PRH1: variants seen among roughly 807,000 people sequenced by gnomAD.
PRH1 encodes the protein proline rich protein HaeIII subfamily 1, also known as salivary acidic proline-rich phosphoprotein 1/2.
A neutral mutation model predicts 7.9 loss-of-function variants in PRH1; 7 were observed. The ratio of observed to expected loss-of-function variants is 0.89; its 90% CI spans 0.50 to 1.67. The LOEUF is 1.67. Ranked by LOEUF, PRH1 falls within the 40% of genes most tolerant of loss-of-function variation. The pLI, the probability that PRH1 is intolerant of heterozygous loss-of-function variation, is 0.00. For missense variants in PRH1, 109 were observed against 223.6 expected (o/e 0.49, Z 3.27); for synonymous variants, 45 against 80.8 (o/e 0.56, Z 2.38).
chr12:10,899,016 G>A (rs753987653), intron 2 of PRH1, among the ~76,000 whole-genome samples: 34 of 152,310 alleles, frequency 2.2e-4, no homozygotes, highest in Admixed American at 7.2e-4. Context: ...AATATTTAAC[G>A]CCTGCCCTGC....
intron 2 of PRH1, among the ~76,000 whole-genome samples, chr12:10,953,397 G>T (rs1937785017): frequency 6.6e-6 from 1 of 151,996 alleles, no homozygotes; most frequent in African/African-American, 2.4e-5. Context: ...CAAACAAAAT[G>T]GTCATTTTAA....
chr12:11,107,320 C>A (rs927517046), intron 1 of PRH1, among the ~76,000 whole-genome samples: 1 of 152,134 alleles, frequency 6.6e-6, no homozygotes, highest in Admixed American at 6.5e-5. Flanking sequence ...CATTTTTGGG[C>A]AGAATGCACA....
At chr12:11,066,040 G>T (rs1028230703) in intron 1 of PRH1, among the ~76,000 whole-genome samples, 1 of 152,148 alleles carries the variant, frequency 6.6e-6, no homozygotes, top group South Asian at 2.1e-4. Flanking sequence ...GTTTTTATTA[G>T]CAGAAATCAA....
intron 1 of PRH1, among the ~76,000 whole-genome samples, chr12:11,008,908 T>C (rs1025766496): frequency 6.6e-6 from 1 of 152,008 alleles, no homozygotes; most frequent in East Asian, 1.9e-4. Context: ...GATTAAGATG[T>C]ACAAATTCTG....
intron 2 of PRH1, among the ~76,000 whole-genome samples, chr12:10,925,385 C>T (rs1280593051): frequency 3.3e-5 from 5 of 152,208 alleles, no homozygotes; most frequent in Non-Finnish European, 7.4e-5. Context: ...AGGCCAGTCT[C>T]TCTCTTGGAC....
downstream of PRH1, among the ~76,000 whole-genome samples, chr12:11,119,864 C>T (rs1027533756): frequency 6.6e-5 from 10 of 152,054 alleles, no homozygotes; most frequent in African/African-American, 2.4e-4. Context: ...ATGTGGTCAC[C>T]AATCACGGGT....
intron 1 of PRH1, among the ~76,000 whole-genome samples, chr12:11,033,444 T>C (rs1942310933): frequency 2.0e-5 from 3 of 152,158 alleles, no homozygotes; most frequent in Admixed American, 6.6e-5. Context: ...AAATATCTAA[T>C]GTAGTTTTGA....
intron 1 of PRH1, among the ~76,000 whole-genome samples, chr12:11,088,242 G>T (rs1256584861): frequency 8.0e-6 from 1 of 125,394 alleles, no homozygotes; most frequent in South Asian, 2.3e-4. Flanking sequence ...TAGCAATGCA[G>T]AGGTGGGGGA....
chr12:11,065,570 A>G (rs1212474510), intron 1 of PRH1, among the ~76,000 whole-genome samples: 1 of 152,014 alleles, frequency 6.6e-6, no homozygotes, highest in African/African-American at 2.4e-5. Context: ...CTGGTTCTCA[A>G]CTCTGTCTAT....
chr12:10,938,946 T>C lies in PRH1; in HGVS notation c.-59+34709A>G, dbSNP rs751308393. ...CTAAAATGATTGATCACTGTCCAGA[T>C]ATTAGTAAGCATTCTGAACATTTTT... On this transcript the variant is annotated intron_variant, in intron 2 of 3. Transcript: ENST00000539853. The C allele has an allele frequency of 5.0e-6, 8 of 1,613,680 alleles. No individual in the cohort carries two copies. The East Asian group carries it at 8.9e-5, about 18-fold the overall frequency.
intron 1 of PRH1, among the ~76,000 whole-genome samples, chr12:11,044,783 G>A (rs1489388397): frequency 6.6e-6 from 1 of 152,100 alleles, no homozygotes; most frequent in East Asian, 1.9e-4. Flanking sequence ...CGTTAAAACA[G>A]CTTATATCCA....
upstream of PRH1, among the ~76,000 whole-genome samples, chr12:11,049,735 G>T (rs1315990177): frequency 6.6e-6 from 1 of 152,114 alleles, no homozygotes; most frequent in African/African-American, 2.4e-5. Context: ...AAGGAGCTTG[G>T]TCATAACTAG....
intron 1 of PRH1, among the ~76,000 whole-genome samples, chr12:10,987,364 G>A (rs760092076): frequency 2.0e-5 from 3 of 151,884 alleles, no homozygotes; most frequent in Non-Finnish European, 4.4e-5. Flanking sequence ...CCACCATAAC[G>A]GATTTACTAT....
At position 11,083,831 on chromosome 12, in the gene PRH1, C is replaced by T. The variant is rs74785952; in HGVS notation, n.124-36643G>A. 2.3e-4 allele frequency among the ~76,000 whole-genome samples: 32 copies of T among 137,756 alleles called. 1 individual carries two copies. The East Asian group carries it at 3.2e-3, about 14-fold the overall frequency. The allele number at this position is 137,756 out of a possible 152,430, so 90.4% of individuals were successfully genotyped here. On this transcript the variant is annotated intron_variant and non_coding_transcript_variant, in intron 1 of 4. Coordinates refer to the PRH1 transcript ENST00000541977. ...TTATATAAGTGGAATTATACTGAAT[C>T]ATTTTTCAAACCTAATAATTCCTCT...
rs1237342653 is a variant in PRH1 at position 10,931,306 on chromosome 12, T to G, written c.-59+42349A>C. Reference sequence around the variant, plus strand: ...AATCACTATCTTCAAATTACCTCTCTTAAATAGGGTTGGGAATGAGGACAT... The same window carrying G: ...AATCACTATCTTCAAATTACCTCTCGTAAATAGGGTTGGGAATGAGGACAT... On this transcript the variant is annotated intron_variant, in intron 2 of 3. Transcript: ENST00000539853. The G allele has an allele frequency of 1.5e-5, 14 of 955,570 alleles. No homozygotes were observed. In the East Asian group the frequency reaches 3.7e-4, roughly 26 times the overall value. The allele number at this position is 955,570 out of a possible 1,614,324, so 59.2% of individuals were successfully genotyped here.
intron 1 of PRH1, among the ~76,000 whole-genome samples, chr12:11,054,418 T>C (rs1943272986): frequency 6.6e-6 from 1 of 152,228 alleles, no homozygotes; most frequent in African/African-American, 2.4e-5. Flanking sequence ...TTATTTTTAA[T>C]CTCAGCTACT....
intron 1 of PRH1, among the ~76,000 whole-genome samples, chr12:11,156,783 T>G (rs1178423349): frequency 6.6e-6 from 1 of 151,948 alleles, no homozygotes; most frequent in Non-Finnish European, 1.5e-5. Context: ...TTTAGTAAAC[T>G]TGACAAGAAA....
chr12:10,965,533 T>C (rs1938460961), intron 2 of PRH1, among the ~76,000 whole-genome samples: 1 of 152,238 alleles, frequency 6.6e-6, no homozygotes, highest in Non-Finnish European at 1.5e-5. Context: ...TAATTGATAG[T>C]TCAATAATGT....
In PRH1 at chr12:10,933,249, T is replaced by A. The variant is rs999981571; in HGVS notation, c.-59+40406A>T. On this transcript the variant is annotated intron_variant, in intron 2 of 3. Coordinates refer to the PRH1 transcript ENST00000539853. The stretch of plus-strand genomic sequence containing the variant: ...AATATGGAGTGACTTATATACAAAA[T>A]GACCTTAAAAATATATTAAACTCAT... 4.6e-5 allele frequency among the ~76,000 whole-genome samples: 7 copies of A among 152,160 alleles called. No homozygotes were observed. In the South Asian group the frequency reaches 1.4e-3, roughly 32 times the overall value.
Sources: allele counts gnomAD v4.1 joint callset (sites outside exome capture counted in the v4.1 genomes callset), GRCh38; gene constraint gnomAD v4.1.1; transcripts MANE v1.5; gene names NCBI Gene and HGNC (gene_info 2026-07-23, HGNC 2026-07-21).